FER1L6: variants seen among roughly 807,000 people sequenced by gnomAD.
The protein encoded by FER1L6 is fer-1-like protein 6.
A neutral mutation model predicts 219.2 loss-of-function variants in FER1L6; 177 were observed. The observed-to-expected ratio is 0.81, with a 90% CI of 0.71 to 0.91. The LOEUF (loss-of-function observed/expected upper bound fraction) is 0.91. Ranked by LOEUF, FER1L6 falls within the 40% of genes least tolerant of loss-of-function variation. FER1L6 has a pLI of 0.00. For synonymous variants in FER1L6, 768 were observed against 824.3 expected (o/e 0.93, Z 1.17); for missense variants, 2,153 against 2,259.9 (o/e 0.95, Z 0.96).
chr8:124,082,958 C>G lies in FER1L6; in HGVS notation c.4391+500C>G, dbSNP rs529061296. On this transcript the variant is annotated intron_variant, in intron 33 of 40. Transcript: ENST00000522917. Reference sequence around the variant, plus strand: ...ACTTTCACTCTTTTTTCAAATGTATCTTTAATTTTCATGGGTACATAAATG... The same window carrying G: ...ACTTTCACTCTTTTTTCAAATGTATGTTTAATTTTCATGGGTACATAAATG... 8.6e-4 allele frequency among the ~76,000 whole-genome samples: 130 copies of G among 151,740 alleles called. 1 individual carries two copies. Among genetic ancestry groups the G allele is most frequent in the African/African-American group, 3.1e-3 (128 of 41,348 alleles).
At chr8:123,913,214 A>G (rs1017088682) in intron 1 of FER1L6, among the ~76,000 whole-genome samples, 1 of 151,808 alleles carries the variant, frequency 6.6e-6, no homozygotes, top group Non-Finnish European at 1.5e-5. Context: ...CTTAATACCT[A>G]CTAACTACAG....
intron 1 of FER1L6, among the ~76,000 whole-genome samples, chr8:123,915,703 G>A (rs1813170215): frequency 6.6e-6 from 1 of 152,144 alleles, no homozygotes; most frequent in African/African-American, 2.4e-5. Context: ...TATTACAATA[G>A]CGATAAGTTC....
At chr8:123,922,662 C>A (rs1356955901) in intron 1 of FER1L6, among the ~76,000 whole-genome samples, 1 of 152,180 alleles carries the variant, frequency 6.6e-6, no homozygotes, top group Non-Finnish European at 1.5e-5. Context: ...AAATCCTCCA[C>A]GTCCCTTTGC....
Position 123,977,748 on chromosome 8 carries a change from C to G in FER1L6, c.1063+139C>G, listed in dbSNP as rs528059198. On this transcript the variant is annotated intron_variant, in intron 10 of 40. Coordinates refer to ENST00000522917, the MANE Select transcript of FER1L6 (RefSeq NM_001039112.2). Reference sequence around the variant, plus strand: ...CCAGTTTTATGGAAGACTATTTTTCCATGAATGGGTTGGGGGATGGTTTTG... The same window carrying G: ...CCAGTTTTATGGAAGACTATTTTTCGATGAATGGGTTGGGGGATGGTTTTG... The G allele has an allele frequency of 4.2e-5, 31 of 740,108 alleles. 1 individual carries two copies. The South Asian group carries it at 5.8e-4, about 14-fold the overall frequency. 45.8% of individuals were successfully genotyped at this position (740,108 alleles called of 1,614,324 possible). A position where few individuals can be genotyped will look rare whatever the true frequency, so the allele number is the denominator to read the frequency against.
chr8:123,994,608 G>A (rs1817040489), intron 12 of FER1L6, among the ~76,000 whole-genome samples: 1 of 152,194 alleles, frequency 6.6e-6, no homozygotes, highest in Admixed American at 6.5e-5. Flanking sequence ...GGTGGAGACA[G>A]CAACTGCAGC....
rs1295403032 is a variant in FER1L6, at chr8:124,035,466, A to G, written c.2464+12A>G. On this transcript the variant is annotated intron_variant, in intron 19 of 40. Coordinates refer to ENST00000522917, the MANE Select transcript of FER1L6 (RefSeq NM_001039112.2). ...CCTGCTCTACCAAGGTAGGGTCCCCACTGGGCAAAGAGGGTCATTCGAGGT... is the reference window on the plus strand; with the variant it reads ...CCTGCTCTACCAAGGTAGGGTCCCCGCTGGGCAAAGAGGGTCATTCGAGGT... 6.2e-7 allele frequency: 1 copy of G among 1,608,776 alleles called. No individual in the cohort carries two copies. Among genetic ancestry groups the G allele is most frequent in the Admixed American group, 1.7e-5 (1 of 59,492 alleles).
intron 1 of FER1L6, among the ~76,000 whole-genome samples, chr8:123,893,860 G>T (rs7006211): frequency 0.028 from 4,194 of 152,206 alleles, 194 homozygotes; most frequent in African/African-American, 0.096. Flanking sequence ...GGAAGCAGGG[G>T]ACTAGACAGA....
rs201458777 is a variant in FER1L6 at position 124,064,502 on chromosome 8, G to A, written c.3484G>A (p.Asp1162Asn). 10 of 1,614,016 alleles carry A rather than the reference G, an allele frequency of 6.2e-6. No individual in the cohort carries two copies. In the Admixed American group the frequency reaches 1.3e-4, roughly 22 times the overall value. The stretch of plus-strand genomic sequence containing the variant: ...GCCGGCCATCCTGGTTGACGTCCCT[G>A]ACTCATCCCCGATGCTGGAGCCTGA... Reference protein sequence around the residue: ...AQPAILVDVPDSSPMLEPEHT... With the variant: ...AQPAILVDVPNSSPMLEPEHT... Residue 1162 changes from aspartate (D) to asparagine (N), a missense_variant, in exon 26 of 41, where the codon GAC becomes AAC. By Grantham distance (23) the Asp-to-Asn change is conservative. Coordinates refer to ENST00000522917, the MANE Select transcript of FER1L6 (RefSeq NM_001039112.2).
At chr8:124,039,134 G>A (rs1819348529) in intron 19 of FER1L6, among the ~76,000 whole-genome samples, 1 of 152,160 alleles carries the variant, frequency 6.6e-6, no homozygotes, top group Non-Finnish European at 1.5e-5. Context: ...TTCCTTGCCA[G>A]CATTCTCACA....
intron 20 of FER1L6, among the ~76,000 whole-genome samples, chr8:124,041,498 C>T (rs2130736546): frequency 6.6e-6 from 1 of 152,252 alleles, no homozygotes; most frequent in Middle Eastern, 3.4e-3. Context: ...TGGCTTTTTG[C>T]CAGGCCACAT....
chr8:124,010,513 G>A (rs913055759), intron 13 of FER1L6, 81 bp from the exon 14 acceptor site: 12 of 1,544,720 alleles, frequency 7.8e-6, no homozygotes, highest in African/African-American at 2.7e-5. Context: ...TGCCCAGAAC[G>A]TATAAAACAT....
At chr8:123,867,706 T>C (rs150121491) in intron 1 of FER1L6, among the ~76,000 whole-genome samples, 3 of 152,228 alleles carry the variant, frequency 2.0e-5, no homozygotes, top group African/African-American at 7.2e-5. Flanking sequence ...AAATGTTGGA[T>C]GTTATTGCCC....
chr8:123,994,152 G>A (rs1817008544), intron 12 of FER1L6, among the ~76,000 whole-genome samples: 1 of 152,220 alleles, frequency 6.6e-6, no homozygotes, highest in African/African-American at 2.4e-5. Flanking sequence ...TGGTGGTGGT[G>A]GGATTTGTGC....
intron 12 of FER1L6, among the ~76,000 whole-genome samples, chr8:123,996,648 G>T (rs534684679): frequency 2.6e-4 from 39 of 152,092 alleles, no homozygotes. Context: ...GATACATAAG[G>T]ACTTACTTCT....
chr8:123,977,514 T>C lies in FER1L6; in HGVS notation c.968T>C (p.Ile323Thr). ...MFPPLCRRVK[I>T]QVWDEGSMND... ...CCTCCCTTGTGTCGGAGGGTGAAAA[T>C]CCAGGTGTGGGATGAAGGCAGCATG... Residue 323 changes from isoleucine to threonine, a missense_variant, in exon 10 of 41, where the codon ATC becomes ACC. Transcript: ENST00000522917. 2 of 1,613,958 alleles carry C rather than the reference T, an allele frequency of 1.2e-6. No homozygotes were observed. Among genetic ancestry groups the C allele is most frequent in the Non-Finnish European group, 1.7e-6 (2 of 1,179,978 alleles).
chr8:123,883,756 G>A lies in FER1L6; in HGVS notation c.-8+31571G>A, dbSNP rs532516655. Among the ~76,000 whole-genome samples, 13 of 152,284 alleles carry A rather than the reference G, an allele frequency of 8.5e-5. No homozygotes were observed. The South Asian group carries it at 2.3e-3, about 27-fold the overall frequency. ...ATTTCTTCTTGCTGCGTCCTCCAGA[G>A]GGGATGAACATGGTGTCAGGGATTG... On this transcript the variant is annotated intron_variant, in intron 1 of 40. Coordinates refer to ENST00000522917, the MANE Select transcript of FER1L6 (RefSeq NM_001039112.2).
intron 1 of FER1L6, among the ~76,000 whole-genome samples, chr8:123,948,507 T>C (rs1037896687): frequency 2.6e-5 from 4 of 152,224 alleles, no homozygotes; most frequent in African/African-American, 9.6e-5. Context: ...ATTCATCTTA[T>C]TTTGTAATTT....
Position 124,103,135 on chromosome 8 carries a change from T to C in FER1L6, c.5126-11T>C. ...AATGCTTCCCTAACTGTTAGGGTCA[T>C]CTCTCCACAGGCACCCTGGAAATGA... On this transcript the variant is annotated splice_polypyrimidine_tract_variant and intron_variant, in intron 38 of 40. Transcript: ENST00000522917. 6.2e-7 allele frequency: 1 copy of C among 1,612,618 alleles called. No homozygotes were observed. Among genetic ancestry groups the C allele is most frequent in the Non-Finnish European group, 8.5e-7 (1 of 1,179,432 alleles).
intron 22 of FER1L6, among the ~76,000 whole-genome samples, chr8:124,054,909 T>G (rs968538508): frequency 6.6e-6 from 1 of 152,100 alleles, no homozygotes; most frequent in African/African-American, 2.4e-5. Flanking sequence ...CCAGATCCAG[T>G]GTATTCCGAA....
Sources: gnomAD v4.1 joint callset for allele counts (sites outside exome capture counted in the v4.1 genomes callset) on GRCh38, gnomAD v4.1.1 for gene constraint, MANE v1.5 for transcripts, NCBI Gene and HGNC (gene_info 2026-07-23, HGNC 2026-07-21) for gene names.